The following BET1 variants were observed in gnomAD, a reference collection of about 807,000 sequenced individuals.
BET1 encodes BET1 homolog.
Under a neutral mutation model 13.9 loss-of-function variants are expected in BET1, and 9 were observed. The ratio of observed to expected loss-of-function variants is 0.65; its 90% CI spans 0.39 to 1.13. The LOEUF (loss-of-function observed/expected upper bound fraction) is 1.13, where lower values mean the gene tolerates loss of function less well. Among genes scored for constraint, BET1 ranks in the 50% most tolerant of loss-of-function variants. BET1 has a pLI of 0.01. For missense variants in BET1, 127 were observed against 133.6 expected (o/e 0.95, Z 0.24); for synonymous variants, 39 against 47.3 (o/e 0.82, Z 0.72).
At chr7:93,995,449 T>C (rs992720273) in intron 3 of BET1, among the ~76,000 whole-genome samples, 3 of 152,234 alleles carry the variant, frequency 2.0e-5, no homozygotes, top group African/African-American at 7.2e-5. Context: ...ACTTTAGATC[T>C]ATGGATCTTC....
chr7:93,975,030 T>G (rs1795314986), intron 5 of BET1, among the ~76,000 whole-genome samples: 3 of 151,910 alleles, frequency 2.0e-5, no homozygotes, highest in Admixed American at 2.0e-4. Flanking sequence ...ATGAGAAACA[T>G]CAAATAGAAC....
At chr7:93,992,668 ATAAC>A, downstream of BET1, 3 of 985,200 alleles carry the variant, frequency 3.0e-6, no homozygotes, top group Non-Finnish European at 3.6e-6. Context: ...TGTCCTTAAA[ATAAC>A]TACCTTTTCT....
Position 93,996,330 on chromosome 7 carries a change from A to G in BET1, c.145-9T>C. 1 of 1,556,620 alleles carries G rather than the reference A, an allele frequency of 6.4e-7. No individual in the cohort carries two copies. Among genetic ancestry groups the G allele is most frequent in the African/African-American group, 1.4e-5 (1 of 72,336 alleles). Reference sequence around the variant, plus strand: ...CCTATTTCAATGGAAAGCTATAAAGAAGAAGGTATACACAGGATTACTCAC... The same window carrying G: ...CCTATTTCAATGGAAAGCTATAAAGGAGAAGGTATACACAGGATTACTCAC... On this transcript the variant is annotated splice_polypyrimidine_tract_variant and intron_variant, in intron 2 of 3. Transcript: ENST00000222547.
At chr7:93,999,134 G>T in intron 2 of BET1, 36 bp downstream of exon 2, 1 of 1,438,352 alleles carries the variant, frequency 7.0e-7, no homozygotes, top group South Asian at 1.3e-5. Flanking sequence ...AGAAATATAT[G>T]AATTAAAACA....
Position 93,993,639 on chromosome 7 carries a change from A to G in BET1, c.*591T>C, listed in dbSNP as rs1795688188. ...CCTACCAGAAATATGCCAAAATAAC[A>G]AGTTTTATTTAAAGAATGAGGTCTT... On this transcript the variant is annotated 3_prime_UTR_variant, in exon 4 of 4. Coordinates refer to ENST00000222547, the MANE Select transcript of BET1 (RefSeq NM_005868.6). 3.1e-5 allele frequency: 40 copies of G among 1,282,626 alleles called. No homozygotes were observed. Among genetic ancestry groups the G allele is most frequent in the Non-Finnish European group, 3.7e-5 (38 of 1,018,266 alleles). The allele number at this position is 1,282,626 out of a possible 1,614,324, so 79.5% of individuals were successfully genotyped here. A position where few individuals can be genotyped will look rare whatever the true frequency, so the allele number is the denominator to read the frequency against.
Position 93,999,314 on chromosome 7 carries a change from A to G in BET1, c.20-20T>C. ...CTTCACCTGCAAGGATCAGAGTCAC[A>G]AAGGTGGTTCTAGAGAAGCCACTTT... On this transcript the variant is annotated intron_variant, in intron 1 of 3. Coordinates refer to ENST00000222547, the MANE Select transcript of BET1 (RefSeq NM_005868.6). The G allele has an allele frequency of 6.3e-7, 1 of 1,592,492 alleles. No individual in the cohort carries two copies. The highest frequency in any genetic ancestry group is 8.5e-7 in the Non-Finnish European group (1 of 1,171,328).
downstream of BET1, chr7:93,991,816 T>G: frequency 1.0e-6 from 1 of 968,150 alleles, no homozygotes; most frequent in Non-Finnish European, 1.2e-6. Flanking sequence ...CAGTATAGAA[T>G]GATGACATTA....
intron 4 of BET1, among the ~76,000 whole-genome samples, chr7:93,987,736 T>C (rs1795553524): frequency 6.6e-6 from 1 of 152,182 alleles, no homozygotes; most frequent in African/African-American, 2.4e-5. Flanking sequence ...AGTTTTTAAG[T>C]GCATTTTAAA....
intron 4 of BET1, among the ~76,000 whole-genome samples, chr7:93,980,920 C>A (rs1795417319): frequency 6.6e-6 from 1 of 151,998 alleles, no homozygotes; most frequent in Admixed American, 6.6e-5. Flanking sequence ...GTTTTTATTG[C>A]AAAGCGAAAG....
chr7:93,995,094 C>A (rs2116118402), intron 3 of BET1, among the ~76,000 whole-genome samples: 1 of 152,328 alleles, frequency 6.6e-6, no homozygotes, highest in Non-Finnish European at 1.5e-5. Flanking sequence ...AATCCGCCCA[C>A]CTCATCCTCC....
chr7:93,993,099 T>C (rs1016698389), downstream of BET1: 15 of 980,054 alleles, frequency 1.5e-5, no homozygotes, highest in Non-Finnish European at 1.8e-5. Flanking sequence ...AAAGAGATTT[T>C]TGAAATAGAG....
At chr7:94,001,051 T>C (rs1795894206) in intron 1 of BET1, among the ~76,000 whole-genome samples, 1 of 152,196 alleles carries the variant, frequency 6.6e-6, no homozygotes, top group African/African-American at 2.4e-5. Context: ...ACAGCACTGA[T>C]CACTGAAGGA....
downstream of BET1, among the ~76,000 whole-genome samples, chr7:93,988,367 T>G: frequency 6.6e-6 from 1 of 152,176 alleles, no homozygotes; most frequent in East Asian, 1.9e-4. Context: ...TTGAAGACGT[T>G]AACAGTTTAA....
At chr7:93,995,310 G>A (rs191908810) in intron 3 of BET1, among the ~76,000 whole-genome samples, 2 of 152,186 alleles carry the variant, frequency 1.3e-5, no homozygotes, top group Non-Finnish European at 2.9e-5. Flanking sequence ...TCCTAAAGAT[G>A]AGAGAGGCTT....
intron 6 of BET1, among the ~76,000 whole-genome samples, chr7:93,966,487 T>C (rs190283641): frequency 1.6e-3 from 248 of 152,056 alleles, no homozygotes; most frequent in Admixed American, 5.3e-3. Context: ...TTGATTCTTT[T>C]AAGCAAATGA....
downstream of BET1, among the ~76,000 whole-genome samples, chr7:93,991,406 CACTT>C (rs1287570799): frequency 1.3e-5 from 2 of 152,094 alleles, no homozygotes; most frequent in Admixed American, 6.6e-5. Context: ...ATTTCAGAAA[CACTT>C]ACCAACATAA....
intron 6 of BET1, among the ~76,000 whole-genome samples, chr7:93,966,642 T>C (rs1256134523): frequency 6.6e-6 from 1 of 151,588 alleles, no homozygotes; most frequent in African/African-American, 2.4e-5. Context: ...GAATATACTA[T>C]CTTCTAGTCC....
chr7:93,993,847 C>G lies in BET1; in HGVS notation c.*383G>C. 6.5e-7 allele frequency: 1 copy of G among 1,534,288 alleles called. No homozygotes were observed. Among genetic ancestry groups the G allele is most frequent in the Non-Finnish European group, 8.7e-7 (1 of 1,146,236 alleles). On this transcript the variant is annotated 3_prime_UTR_variant, in exon 4 of 4. Coordinates refer to ENST00000222547, the MANE Select transcript of BET1 (RefSeq NM_005868.6). ...AAACTGGCTGACTACTTCAAGAGCT[C>G]AGAGTCAGGCTCTCCAGGCATTCTG...
chr7:93,991,258 T>C (rs184279439), downstream of BET1, among the ~76,000 whole-genome samples: 174 of 152,358 alleles, frequency 1.1e-3, no homozygotes, highest in African/African-American at 4.0e-3. Flanking sequence ...ATGTAAAATA[T>C]GGAAATGATC....
Sources: allele counts gnomAD v4.1 joint callset (sites outside exome capture counted in the v4.1 genomes callset), GRCh38; gene constraint gnomAD v4.1.1; transcripts MANE v1.5; gene names NCBI Gene and HGNC (gene_info 2026-07-23, HGNC 2026-07-21).